The following XKR4 variants were observed in gnomAD, a reference collection of about 807,000 sequenced individuals.
The protein encoded by XKR4 is XK related 4, also known as XK-related protein 4.
In XKR4, 12 loss-of-function variants were observed where a neutral mutation model predicts 53.9. The observed-to-expected ratio is 0.22, with a 90% CI of 0.14 to 0.36. The LOEUF (loss-of-function observed/expected upper bound fraction) is 0.36. Among genes scored for constraint, XKR4 ranks in the 10% least tolerant of loss-of-function variants. The probability of loss-of-function intolerance (pLI) is 1.00; values close to 1 mark genes in which losing one functional copy is unlikely to be tolerated. For missense variants in XKR4, 799 were observed against 859.5 expected (o/e 0.93, Z 0.88); for synonymous variants, 354 against 362.4 (o/e 0.98, Z 0.26).
chr8:55,452,891 G>A (rs2975982), intron 2 of XKR4: 333,118 of 777,982 alleles, frequency 0.43, 74,501 homozygotes, highest in East Asian at 0.51. Flanking sequence ...GGTAGCTCAC[G>A]CAGTTGGTAT....
At position 55,102,296 on chromosome 8, in the gene XKR4, T is replaced by C. The variant is rs1816053270; in HGVS notation, c.-193T>C. On this transcript the variant is annotated 5_prime_UTR_variant, in exon 1 of 3. It removes the in-frame stop codon of an upstream open reading frame in the 5' UTR. Transcript: ENST00000327381. This position sits in a 1 kb window ranked among gnomAD's most constrained non-coding sequence, Gnocchi z 5.1. ...CTCCTGCCGGCCCCAGGCGCGCCGC[T>C]AGCCCGGCCCAGCGCCCAGCCCGGC... The C allele has an allele frequency of 2.7e-6, 2 of 742,410 alleles. No individual in the cohort carries two copies. The highest frequency in any genetic ancestry group is 1.2e-4 in the South Asian group (2 of 16,600). 46.0% of individuals were successfully genotyped at this position (742,410 alleles called of 1,614,324 possible). A position where few individuals can be genotyped will look rare whatever the true frequency, so the allele number is the denominator to read the frequency against.
chr8:55,199,118 G>C (rs1020206780), intron 1 of XKR4, among the ~76,000 whole-genome samples: 1 of 152,104 alleles, frequency 6.6e-6, no homozygotes, highest in Non-Finnish European at 1.5e-5. Context: ...ACATATTAAC[G>C]CAGCATTGTA....
At chr8:55,413,394 T>A (rs981767152) in intron 2 of XKR4, among the ~76,000 whole-genome samples, 15 of 152,012 alleles carry the variant, frequency 9.9e-5, no homozygotes, top group Non-Finnish European at 1.9e-4. Context: ...CTTGGCTAAT[T>A]TTTGTATTTT....
chr8:55,138,165 C>G (rs1816657376), intron 1 of XKR4, among the ~76,000 whole-genome samples: 1 of 151,002 alleles, frequency 6.6e-6, no homozygotes, highest in Admixed American at 6.6e-5. Flanking sequence ...CAGAGGGTTC[C>G]TTTTTTTTTG....
chr8:55,483,978 A>G (rs1806155029), intron 2 of XKR4, among the ~76,000 whole-genome samples: 1 of 152,172 alleles, frequency 6.6e-6, no homozygotes, highest in African/African-American at 2.4e-5. Flanking sequence ...AGAAGACAAA[A>G]TATGCATATC....
intron 2 of XKR4, among the ~76,000 whole-genome samples, chr8:55,496,454 G>C (rs1394952420): frequency 6.6e-6 from 1 of 152,154 alleles, no homozygotes; most frequent in Non-Finnish European, 1.5e-5. Flanking sequence ...CTTACAAAAG[G>C]AGAGATCTTA....
chr8:55,537,280 A>C lies in XKR4; in HGVS notation c.*13053A>C, dbSNP rs114527431. The C allele has an allele frequency of 6.6e-6, 1 of 152,356 alleles. No individual in the cohort carries two copies. Among genetic ancestry groups the C allele is most frequent in the Admixed American group, 6.5e-5 (1 of 15,302 alleles). 9.4% of individuals were successfully genotyped at this position (152,356 alleles called of 1,614,324 possible). On this transcript the variant is annotated 3_prime_UTR_variant, in exon 3 of 3. Coordinates refer to ENST00000327381, the MANE Select transcript of XKR4 (RefSeq NM_052898.2). ...AAAGGAAAATTCACCTCCCACAAGGAAAGTCTGAGATGTTCATCCTGACAT... is the reference window on the plus strand; with the variant it reads ...AAAGGAAAATTCACCTCCCACAAGGCAAGTCTGAGATGTTCATCCTGACAT...
At chr8:55,131,046 C>A (rs1465792776) in intron 1 of XKR4, among the ~76,000 whole-genome samples, 1 of 152,108 alleles carries the variant, frequency 6.6e-6, no homozygotes, top group Non-Finnish European at 1.5e-5. Flanking sequence ...GTAATCCCAG[C>A]TACTCAGGAG....
At chr8:55,402,347 C>G (rs907068971) in intron 2 of XKR4, among the ~76,000 whole-genome samples, 1 of 152,190 alleles carries the variant, frequency 6.6e-6, no homozygotes, top group Non-Finnish European at 1.5e-5. Context: ...ACACTTAGAA[C>G]ATGAACCACT....
chr8:55,212,183 A>T (rs1364786610), intron 1 of XKR4, among the ~76,000 whole-genome samples: 1 of 151,788 alleles, frequency 6.6e-6, no homozygotes, highest in African/African-American at 2.4e-5. Flanking sequence ...TGAAGCCTCC[A>T]GGTGGCAGGC....
intron 1 of XKR4, among the ~76,000 whole-genome samples, chr8:55,237,661 A>G (rs1002517661): frequency 6.6e-6 from 1 of 152,252 alleles, no homozygotes. Flanking sequence ...GATTATGAGC[A>G]GAGGGTCTAA....
At chr8:55,351,658 T>C (rs1288220749) in intron 1 of XKR4, among the ~76,000 whole-genome samples, 1 of 152,228 alleles carries the variant, frequency 6.6e-6, no homozygotes, top group African/African-American at 2.4e-5. Context: ...GCAAACACTG[T>C]CTGTGCTTTC....
intron 1 of XKR4, among the ~76,000 whole-genome samples, chr8:55,211,428 T>C (rs1335680497): frequency 1.3e-5 from 2 of 152,234 alleles, no homozygotes; most frequent in Non-Finnish European, 2.9e-5. Context: ...TACAACTTCT[T>C]TGACAGGTGT....
intron 1 of XKR4, among the ~76,000 whole-genome samples, chr8:55,275,879 C>T (rs2129373142): frequency 6.6e-6 from 1 of 152,278 alleles, no homozygotes; most frequent in Middle Eastern, 3.4e-3. Flanking sequence ...ACTAGAGGAC[C>T]ATGAGCCGGG....
intron 1 of XKR4, among the ~76,000 whole-genome samples, 181 bp downstream of exon 1, chr8:55,103,475 GT>G (rs947616865): frequency 1.3e-5 from 2 of 152,040 alleles, no homozygotes; most frequent in Non-Finnish European, 2.9e-5. Flanking sequence ...TCAGTCTAGG[GT>G]GGGAGGGAAG....
intron 1 of XKR4, chr8:55,142,103 A>T (rs1273715344): frequency 4.4e-6 from 2 of 456,006 alleles, no homozygotes; most frequent in Admixed American, 4.7e-5. Context: ...GGGGAGTCTT[A>T]ACTATTCTCT....
rs1030951968 is a variant in XKR4, at chr8:55,362,127, C to G, written c.1006+4250C>G. Among the ~76,000 whole-genome samples, 6 of 152,040 alleles carry G rather than the reference C, an allele frequency of 3.9e-5. No individual in the cohort carries two copies. In the South Asian group the frequency reaches 8.3e-4, roughly 21 times the overall value. On this transcript the variant is annotated intron_variant, in intron 2 of 2. Coordinates refer to ENST00000327381, the MANE Select transcript of XKR4 (RefSeq NM_052898.2). ...ACAAAGGATTCGGCAGACCCTTGGC[C>G]CATTGCATAGGGCTTCTTAGGCTTG... is the stretch of plus-strand genomic sequence containing the variant.
intron 1 of XKR4, among the ~76,000 whole-genome samples, chr8:55,271,735 T>C (rs1376254808): frequency 1.3e-5 from 2 of 152,182 alleles, no homozygotes; most frequent in African/African-American, 4.8e-5. Context: ...CTTTGGTTGG[T>C]CTTAAGTGGG....
intron 1 of XKR4, among the ~76,000 whole-genome samples, chr8:55,160,083 G>A (rs1262158172): frequency 6.6e-6 from 1 of 152,206 alleles, no homozygotes; most frequent in Non-Finnish European, 1.5e-5. Flanking sequence ...TAGGAAAGTA[G>A]GGAATTAGTG....
Sources: allele counts gnomAD v4.1 joint callset (sites outside exome capture counted in the v4.1 genomes callset), GRCh38; gene constraint gnomAD v4.1.1; non-coding constraint Gnocchi (gnomAD v3.1); transcripts MANE v1.5; gene names NCBI Gene and HGNC (gene_info 2026-07-23, HGNC 2026-07-21).